ASH1L: variants seen among roughly 807,000 people sequenced by gnomAD.
ASH1L encodes histone-lysine N-methyltransferase ASH1L.
Under a neutral mutation model 269.0 loss-of-function variants are expected in ASH1L, and 23 were observed. That is an observed-to-expected ratio of 0.09 (90% CI 0.06 to 0.12). The LOEUF (loss-of-function observed/expected upper bound fraction) is 0.12, where lower values mean the gene tolerates loss of function less well. ASH1L is among the 10% of genes least tolerant of loss of function. The probability of loss-of-function intolerance (pLI) is 1.00; values close to 1 mark genes in which losing one functional copy is unlikely to be tolerated. For synonymous variants in ASH1L, 1,187 were observed against 1,253.5 expected (o/e 0.95, Z 1.12); for missense variants, 2,912 against 3,567.8 (o/e 0.82, Z 4.68).
intron 7 of ASH1L, among the ~76,000 whole-genome samples, chr1:155,388,493 G>T (rs1657626616): frequency 6.6e-6 from 1 of 151,792 alleles, no homozygotes; most frequent in Non-Finnish European, 1.5e-5. Flanking sequence ...GTATACATGG[G>T]TTTTCATTAT....
intron 6 of ASH1L, among the ~76,000 whole-genome samples, chr1:155,398,309 A>C (rs956621133): frequency 2.6e-5 from 4 of 152,254 alleles, no homozygotes; most frequent in African/African-American, 7.2e-5. Flanking sequence ...ATAGTGATAC[A>C]TTCTGACAAA....
chr1:155,507,841 C>A (rs1156784815), intron 2 of ASH1L, among the ~76,000 whole-genome samples: 1 of 152,206 alleles, frequency 6.6e-6, no homozygotes, highest in African/African-American at 2.4e-5. Flanking sequence ...TGCCACTGCA[C>A]AGCCTTGGGC....
At chr1:155,473,263 C>T (rs189081438) in intron 3 of ASH1L, among the ~76,000 whole-genome samples, 8 of 152,284 alleles carry the variant, frequency 5.3e-5, no homozygotes, top group Admixed American at 2.6e-4. Flanking sequence ...CTACTGGCAA[C>T]AGACTTTTCT....
intron 2 of ASH1L, among the ~76,000 whole-genome samples, chr1:155,494,209 T>C (rs1238257426): frequency 6.6e-6 from 1 of 152,074 alleles, no homozygotes; most frequent in Non-Finnish European, 1.5e-5. Flanking sequence ...CATGTAGGTA[T>C]GTGGGAAAAA....
chr1:155,557,806 C>A (rs1207854427), intron 1 of ASH1L, among the ~76,000 whole-genome samples: 2 of 151,976 alleles, frequency 1.3e-5, no homozygotes, highest in Non-Finnish European at 2.9e-5. Context: ...TAGCAGCATA[C>A]CTCAAAACAA....
chr1:155,422,118 C>T (rs1660733836), intron 5 of ASH1L, among the ~76,000 whole-genome samples: 1 of 152,160 alleles, frequency 6.6e-6, no homozygotes, highest in South Asian at 2.1e-4. Context: ...AAATATATGT[C>T]CACTTGTGTC....
intron 3 of ASH1L, among the ~76,000 whole-genome samples, chr1:155,473,023 T>C (rs900397232): frequency 1.3e-5 from 2 of 152,226 alleles, no homozygotes; most frequent in Non-Finnish European, 2.9e-5. Flanking sequence ...TGTTATTGTA[T>C]GTGTTTCTAT....
chr1:155,357,485 A>C, intron 14 of ASH1L, 75 bp from the exon 15 acceptor site: 1 of 1,591,400 alleles, frequency 6.3e-7, no homozygotes, highest in Non-Finnish European at 8.6e-7. Context: ...TATTAAAACC[A>C]CTCTTAAGAT....
At chr1:155,379,680 C>A (rs772048222) in intron 8 of ASH1L, among the ~76,000 whole-genome samples, 36 of 152,018 alleles carry the variant, frequency 2.4e-4, no homozygotes, top group Non-Finnish European at 3.7e-4. Flanking sequence ...AAGAAGGAGC[C>A]AACAAAAATA....
At chr1:155,380,961 A>C (rs2148445699) in intron 7 of ASH1L, among the ~76,000 whole-genome samples, 1 of 152,208 alleles carries the variant, frequency 6.6e-6, no homozygotes, top group South Asian at 2.1e-4. Context: ...ATTCTTATAC[A>C]TATAGTCATG....
At position 155,521,393 on chromosome 1, in the gene ASH1L, T is replaced by C; in HGVS notation, c.127A>G (p.Thr43Ala). Residue 43 changes from threonine to alanine, a missense_variant, in exon 2 of 28, where the codon ACA (threonine) becomes GCA (alanine). Thr to Ala is a moderately conservative substitution (Grantham distance 58). Transcript: ENST00000392403. ...TTGCGAAGGTCCTCTTCCTCCTTTGTGTTTTTTTCTAGCTCTACTTCTCTC... is the reference window on the plus strand; with the variant it reads ...TTGCGAAGGTCCTCTTCCTCCTTTGCGTTTTTTTCTAGCTCTACTTCTCTC... ...SKREVELEKN[T>A]KEEEDLRKRN... 1 of 1,614,218 alleles carries C rather than the reference T, an allele frequency of 6.2e-7. No individual in the cohort carries two copies. The highest frequency in any genetic ancestry group is 1.1e-5 in the South Asian group (1 of 91,086).
intron 1 of ASH1L, among the ~76,000 whole-genome samples, chr1:155,559,137 C>A (rs868788617): frequency 6.6e-6 from 1 of 152,124 alleles, no homozygotes; most frequent in Non-Finnish European, 1.5e-5. Context: ...CCATGCCCAG[C>A]GACATCAAAA....
At chr1:155,466,431 T>C (rs1314312687) in intron 3 of ASH1L, among the ~76,000 whole-genome samples, 1 of 152,164 alleles carries the variant, frequency 6.6e-6, no homozygotes, top group Non-Finnish European at 1.5e-5. Context: ...AATGCCCAAA[T>C]GACATCATTC....
intron 6 of ASH1L, chr1:155,397,119 T>G (rs1571098316): frequency 7.3e-6 from 1 of 136,698 alleles, no homozygotes; most frequent in African/African-American, 2.8e-5. Flanking sequence ...AGAGCCAGAC[T>G]CTGTCAAAAA....
intron 6 of ASH1L, among the ~76,000 whole-genome samples, chr1:155,400,470 C>G (rs1437009762): frequency 6.6e-6 from 1 of 152,152 alleles, no homozygotes; most frequent in African/African-American, 2.4e-5. Context: ...GGAAAGCATT[C>G]TGACATTGAT....
chr1:155,495,008 C>T (rs774373037), intron 2 of ASH1L, among the ~76,000 whole-genome samples: 1 of 152,060 alleles, frequency 6.6e-6, no homozygotes, highest in Non-Finnish European at 1.5e-5. Context: ...CCAGGAGCGA[C>T]AAATGCTGCT....
intron 4 of ASH1L, among the ~76,000 whole-genome samples, chr1:155,449,760 C>A (rs1223273977): frequency 2.6e-5 from 4 of 152,068 alleles, no homozygotes; most frequent in Non-Finnish European, 5.9e-5. Context: ...ACCTCATGAT[C>A]TGCCCGTCTC....
chr1:155,367,079 C>T (rs1040204577), intron 12 of ASH1L, among the ~76,000 whole-genome samples: 3 of 151,130 alleles, frequency 2.0e-5, no homozygotes, highest in Non-Finnish European at 2.9e-5. Context: ...CTACAACCTC[C>T]GCCTCCCAGG....
chr1:155,562,720 G>A lies in ASH1L; in HGVS notation c.-667C>T, dbSNP rs1250072301. ...TCACCCACAGGAACCCCCTCGTCCA[G>A]TCCCTCACTACCCCTCAGGCCCTGT... On this transcript the variant is annotated 5_prime_UTR_variant, in exon 1 of 28. Transcript: ENST00000392403. 2.1e-6 allele frequency: 3 copies of A among 1,403,830 alleles called. No homozygotes were observed. The Admixed American group carries it at 6.0e-5, about 28-fold the overall frequency. The allele number at this position is 1,403,830 out of a possible 1,614,324, so 87.0% of individuals were successfully genotyped here.
Sources: allele counts gnomAD v4.1 joint callset (sites outside exome capture counted in the v4.1 genomes callset), GRCh38; gene constraint gnomAD v4.1.1; transcripts MANE v1.5; gene names NCBI Gene and HGNC (gene_info 2026-07-23, HGNC 2026-07-21).